The following CLDN12 variants were observed in gnomAD, a reference collection of about 807,000 sequenced individuals.
CLDN12 encodes claudin 12.
Under a neutral mutation model 15.5 loss-of-function variants are expected in CLDN12, and 9 were observed. That is an observed-to-expected ratio of 0.58 (90% CI 0.35 to 1.02). CLDN12 has a LOEUF of 1.02. CLDN12 is among the 50% of genes least tolerant of loss of function. The pLI is 0.02. For synonymous variants in CLDN12, 140 were observed against 121.6 expected (o/e 1.15, Z -1.00); for missense variants, 233 against 297.3 (o/e 0.78, Z 1.59).
chr7:90,409,413 G>T (rs951820186), intron 2 of CLDN12, among the ~76,000 whole-genome samples: 2 of 152,076 alleles, frequency 1.3e-5, no homozygotes, highest in African/African-American at 4.8e-5. Flanking sequence ...GTAGAGATGG[G>T]GTTTCACCAT....
rs367561054 is a variant in CLDN12, at chr7:90,412,854, C to T, written c.178C>T (p.Arg60Trp). The T allele has an allele frequency of 1.9e-5, 30 of 1,614,060 alleles. No individual in the cohort carries two copies. Among genetic ancestry groups the T allele is most frequent in the African/African-American group, 2.7e-5 (2 of 74,920 alleles). ...CACAGGCCTGTGGGTGAAATGTGCC[C>T]GGTATGACGGGAGCAGTGACTGCCT... ...VYTGLWVKCARYDGSSDCLMY... is the reference protein window; with the variant it reads ...VYTGLWVKCAWYDGSSDCLMY... Residue 60 changes from arginine to tryptophan, a missense_variant, in exon 4 of 4, where the codon CGG (arginine) becomes TGG (tryptophan). Physicochemically the swap from Arg to Trp is moderately radical, Grantham distance 101. Transcript: ENST00000496677.
At chr7:90,404,895 T>A (rs374630142) in intron 1 of CLDN12, among the ~76,000 whole-genome samples, 67 of 151,908 alleles carry the variant, frequency 4.4e-4, no homozygotes, top group Admixed American at 7.9e-4. Context: ...TTTTTATTTT[T>A]TTTTTTTTAT....
intron 1 of CLDN12, among the ~76,000 whole-genome samples, chr7:90,404,335 A>C (rs1431412883): frequency 6.6e-6 from 1 of 152,166 alleles, no homozygotes; most frequent in Non-Finnish European, 1.5e-5. Flanking sequence ...TGCAGAGAGC[A>C]TTCTACATAA....
chr7:90,411,094 A>G (rs1381220715), intron 2 of CLDN12, among the ~76,000 whole-genome samples: 1 of 152,180 alleles, frequency 6.6e-6, no homozygotes, highest in Non-Finnish European at 1.5e-5. Context: ...GTGCCCTCCC[A>G]CTGGAATTCA....
At chr7:90,408,922 T>G (rs1476391404) in intron 2 of CLDN12, 1 of 152,140 alleles carries the variant, frequency 6.6e-6, no homozygotes, top group Non-Finnish European at 1.5e-5. Flanking sequence ...TTTTTCTTAA[T>G]AATTAATTTT....
At chr7:90,404,061 C>A (rs1796787176) in intron 1 of CLDN12, among the ~76,000 whole-genome samples, 1 of 151,246 alleles carries the variant, frequency 6.6e-6, no homozygotes. Flanking sequence ...GAGGGGGATG[C>A]GGATTGCTCT....
At chr7:90,407,317 C>T (rs1796856550) in intron 2 of CLDN12, among the ~76,000 whole-genome samples, 1 of 152,122 alleles carries the variant, frequency 6.6e-6, no homozygotes, top group Admixed American at 6.6e-5. Flanking sequence ...CTTTGCTAAT[C>T]ACAGGTTTCT....
At chr7:90,412,246 G>T (rs543196193) in intron 3 of CLDN12, 197 bp downstream of exon 3, 8 of 163,156 alleles carry the variant, frequency 4.9e-5, no homozygotes, top group Non-Finnish European at 8.0e-5. Context: ...TTGATGAGTG[G>T]GCCCTTGCTG....
intron 2 of CLDN12, among the ~76,000 whole-genome samples, chr7:90,411,647 G>C (rs2058335): frequency 1.3e-4 from 18 of 135,954 alleles, no homozygotes; most frequent in East Asian, 1.1e-3. Context: ...ATTGGGTCAT[G>C]TTGAATCAAC....
chr7:90,404,950 T>A (rs957378318), intron 1 of CLDN12, among the ~76,000 whole-genome samples: 1 of 152,040 alleles, frequency 6.6e-6, no homozygotes, highest in Non-Finnish European at 1.5e-5. Context: ...TGGAGTGCAG[T>A]GGCATGATCA....
Position 90,414,487 on chromosome 7 carries a change from C to A in CLDN12, c.*1076C>A. ...ACATGAAAAGTATGAGATCTGGTTC[C>A]ATCCAGTAAGACATTTTAATAGAGA... On this transcript the variant is annotated 3_prime_UTR_variant, in exon 4 of 4. Coordinates refer to ENST00000496677, the MANE Select transcript of CLDN12 (RefSeq NM_001185072.3). The A allele has an allele frequency of 1.4e-6, 1 of 734,080 alleles. No homozygotes were observed. Among genetic ancestry groups the A allele is most frequent in the Non-Finnish European group, 1.7e-6 (1 of 587,074 alleles). 45.5% of individuals were successfully genotyped at this position (734,080 alleles called of 1,614,324 possible).
At chr7:90,411,711 TTGAC>T (rs1796967221) in intron 2 of CLDN12, among the ~76,000 whole-genome samples, 1 of 152,214 alleles carries the variant, frequency 6.6e-6, no homozygotes, top group South Asian at 2.1e-4. Flanking sequence ...ATCTTTTCAT[TTGAC>T]TGACTCATTG....
chr7:90,414,002 A>G lies in CLDN12; in HGVS notation c.*591A>G, dbSNP rs895147073. On this transcript the variant is annotated 3_prime_UTR_variant, in exon 4 of 4. Coordinates refer to ENST00000496677, the MANE Select transcript of CLDN12 (RefSeq NM_001185072.3). ...TTTAAAAGTAAAACGTATTTTAACG[A>G]TGTTAGAATAAGACTACCATTCTAA... The G allele has an allele frequency of 2.1e-6, 2 of 970,106 alleles. No homozygotes were observed. Among genetic ancestry groups the G allele is most frequent in the Non-Finnish European group, 2.5e-6 (2 of 803,390 alleles). 60.1% of individuals were successfully genotyped at this position (970,106 alleles called of 1,614,324 possible).
chr7:90,411,946 T>G (rs1486200496), intron 2 of CLDN12, 61 bp from the exon 3 acceptor site: 2 of 152,232 alleles, frequency 1.3e-5, no homozygotes, highest in Non-Finnish European at 2.9e-5. Context: ...CATTATATTA[T>G]CTCATTGAAC....
Position 90,414,147 on chromosome 7 carries a change from C to CT in CLDN12, c.*742dup. The CT allele has an allele frequency of 1.0e-6, 1 of 1,000,096 alleles. No individual in the cohort carries two copies. Among genetic ancestry groups the CT allele is most frequent in the Non-Finnish European group, 1.2e-6 (1 of 829,992 alleles). 62.0% of individuals were successfully genotyped at this position (1,000,096 alleles called of 1,614,324 possible). ...AGTGTTTCCTCTGAGGCAGAAAACT[C>CT]TTTTTTGGAGATATCTTCCATCAAG... On this transcript the variant is annotated 3_prime_UTR_variant, in exon 4 of 4. Coordinates refer to ENST00000496677, the MANE Select transcript of CLDN12 (RefSeq NM_001185072.3).
intron 2 of CLDN12, among the ~76,000 whole-genome samples, chr7:90,410,549 C>T (rs371633569): frequency 2.8e-4 from 42 of 152,232 alleles, no homozygotes; most frequent in East Asian, 2.3e-3. Flanking sequence ...TCTGGCTGGG[C>T]GCAGTTGCTC....
chr7:90,412,791 A>C lies in CLDN12; in HGVS notation c.115A>C (p.Ile39Leu), dbSNP rs530429481. The C allele has an allele frequency of 6.2e-7, 1 of 1,614,228 alleles. No homozygotes were observed. The highest frequency in any genetic ancestry group is 1.3e-5 in the African/African-American group (1 of 75,064). ...TCCCAACTGGAGAAAATTACGATTGATCACATTCAACAGAAACGAGAAGAA... is the reference window on the plus strand; with the variant it reads ...TCCCAACTGGAGAAAATTACGATTGCTCACATTCAACAGAAACGAGAAGAA... ...LLPNWRKLRL[I>L]TFNRNEKNLT... Residue 39 changes from isoleucine (I) to leucine (L), a missense_variant, in exon 4 of 4, where the codon ATC becomes CTC. Coordinates refer to ENST00000496677, the MANE Select transcript of CLDN12 (RefSeq NM_001185072.3).
chr7:90,413,817 T>G lies in CLDN12; in HGVS notation c.*406T>G. On this transcript the variant is annotated 3_prime_UTR_variant, in exon 4 of 4. Transcript: ENST00000496677. ...CTTTAACTGCAAAGAAAAGGCAGTT[T>G]CAAATATAAGAAATTTATTTCAGGT... The G allele has an allele frequency of 1.0e-6, 1 of 1,002,752 alleles. No individual in the cohort carries two copies. Among genetic ancestry groups the G allele is most frequent in the Non-Finnish European group, 1.2e-6 (1 of 831,470 alleles). The allele number at this position is 1,002,752 out of a possible 1,614,324, so 62.1% of individuals were successfully genotyped here. A position where few individuals can be genotyped will look rare whatever the true frequency, so the allele number is the denominator to read the frequency against.
At chr7:90,407,052 C>T (rs973401887) in intron 2 of CLDN12, among the ~76,000 whole-genome samples, 3 of 151,770 alleles carry the variant, frequency 2.0e-5, no homozygotes, top group African/African-American at 7.3e-5. Flanking sequence ...AAATCAATAC[C>T]GGAACAGTGG....
Sources: gnomAD v4.1 joint callset for allele counts (sites outside exome capture counted in the v4.1 genomes callset) on GRCh38, gnomAD v4.1.1 for gene constraint, MANE v1.5 for transcripts, NCBI Gene and HGNC (gene_info 2026-07-23, HGNC 2026-07-21) for gene names.